Variants in CAMTA1 observed in about 807,000 individuals in gnomAD.
CAMTA1 encodes the protein calmodulin binding transcription activator 1, also known as calmodulin-binding transcription activator 1.
Under a neutral mutation model 170.9 loss-of-function variants are expected in CAMTA1, and 27 were observed. The ratio of observed to expected loss-of-function variants is 0.16; its 90% CI spans 0.12 to 0.22. The LOEUF (loss-of-function observed/expected upper bound fraction) is 0.22, where lower values mean the gene tolerates loss of function less well. Among genes scored for constraint, CAMTA1 ranks in the 10% least tolerant of loss-of-function variants. The probability of loss-of-function intolerance (pLI) is 1.00; values close to 1 mark genes in which losing one functional copy is unlikely to be tolerated. For missense variants in CAMTA1, 1,619 were observed against 2,217.2 expected (o/e 0.73, Z 5.42); for synonymous variants, 833 against 891.5 (o/e 0.93, Z 1.17).
At chr1:7,353,683 T>C (rs1268667756) in intron 5 of CAMTA1, among the ~76,000 whole-genome samples, 1 of 152,158 alleles carries the variant, frequency 6.6e-6, no homozygotes, top group African/African-American at 2.4e-5. Flanking sequence ...CCCAGCCTGC[T>C]AAAGTGCTGG....
chr1:7,506,009 G>A (rs1252059702), intron 6 of CAMTA1, among the ~76,000 whole-genome samples: 1 of 152,186 alleles, frequency 6.6e-6, no homozygotes, highest in Non-Finnish European at 1.5e-5. Context: ...GCCAGTGGAA[G>A]GGGAGGCAGA....
At chr1:6,809,417 C>G (rs1644916080) in intron 1 of CAMTA1, among the ~76,000 whole-genome samples, 1 of 152,088 alleles carries the variant, frequency 6.6e-6, no homozygotes, top group Non-Finnish European at 1.5e-5. Context: ...TCAGGGAGTC[C>G]TTCATATCAC....
chr1:6,785,917 C>T (rs1470728405), intron 1 of CAMTA1, among the ~76,000 whole-genome samples: 1 of 149,352 alleles, frequency 6.7e-6, no homozygotes, highest in Non-Finnish European at 1.5e-5. Flanking sequence ...ACCGGGCATC[C>T]CCGCCGCTCC....
intron 6 of CAMTA1, among the ~76,000 whole-genome samples, chr1:7,477,772 C>G (rs531634160): frequency 6.6e-6 from 1 of 152,330 alleles, no homozygotes; most frequent in African/African-American, 2.4e-5. Context: ...GCTCACCCTT[C>G]ACCTTGCAGA....
intron 4 of CAMTA1, among the ~76,000 whole-genome samples, chr1:7,109,857 G>A (rs540826429): frequency 2.2e-4 from 33 of 152,168 alleles, no homozygotes; most frequent in Non-Finnish European, 4.3e-4. Flanking sequence ...TGATTCAGAG[G>A]GGACGCTGCT....
rs1709101183 is a variant in CAMTA1 at position 7,067,420 on chromosome 1, T to G, written c.235-23884T>G. Among the ~76,000 whole-genome samples the G allele has an allele frequency of 6.6e-6, 1 of 151,764 alleles. No homozygotes were observed. The highest frequency in any genetic ancestry group is 2.1e-4 in the South Asian group (1 of 4,822). On this transcript the variant is annotated intron_variant, in intron 3 of 22. Transcript: ENST00000303635. The surrounding 1 kb of genome is among the most constrained non-coding windows in gnomAD (Gnocchi z 4.3). Reference sequence around the variant, plus strand: ...CCAATTAGGTTCTTACTTGCTGAATTCTTCTTCTTCTTCTTCTGCTTCTCT... The same window carrying G: ...CCAATTAGGTTCTTACTTGCTGAATGCTTCTTCTTCTTCTTCTGCTTCTCT...
At chr1:6,829,451 G>T (rs746236277) in intron 3 of CAMTA1, among the ~76,000 whole-genome samples, 1 of 152,294 alleles carries the variant, frequency 6.6e-6, no homozygotes, top group Non-Finnish European at 1.5e-5. Context: ...ATCAATTTTA[G>T]ATTGTGCTCC....
chr1:7,755,493 C>T (rs1379664460), intron 21 of CAMTA1, 145 bp from the exon 22 acceptor site: 9 of 668,468 alleles, frequency 1.3e-5, no homozygotes, highest in East Asian at 5.1e-5. Context: ...ACTCATTTCA[C>T]GTACCCCACC....
intron 11 of CAMTA1, among the ~76,000 whole-genome samples, chr1:7,695,185 C>T (rs572089465): frequency 2.6e-5 from 4 of 152,232 alleles, no homozygotes; most frequent in South Asian, 2.1e-4. Context: ...ACAGCCCCCA[C>T]GAGGTGGGAC....
chr1:7,647,676 C>G (rs1226336100), intron 7 of CAMTA1, among the ~76,000 whole-genome samples: 2 of 152,192 alleles, frequency 1.3e-5, no homozygotes, highest in African/African-American at 4.8e-5. Context: ...CCAGCTCAGT[C>G]GATCCTGATC....
rs528784657 is a variant in CAMTA1 at position 7,090,880 on chromosome 1, G to A, written c.235-424G>A. On this transcript the variant is annotated intron_variant, in intron 3 of 22. Coordinates refer to ENST00000303635, the MANE Select transcript of CAMTA1 (RefSeq NM_015215.4). ...GTTGGGGATGAAGCTGAGAGAATGCGACGTCTCTTGTGACAGAGATGAAAG... is the reference window on the plus strand; with the variant it reads ...GTTGGGGATGAAGCTGAGAGAATGCAACGTCTCTTGTGACAGAGATGAAAG... 1.3e-4 allele frequency among the ~76,000 whole-genome samples: 20 copies of A among 152,272 alleles called. No individual in the cohort carries two copies. The East Asian group carries it at 3.3e-3, about 25-fold the overall frequency.
rs1337791961 is a variant in CAMTA1, at chr1:7,729,122, TTC to T, written c.2915-3324_2915-3323del. Reference sequence around the variant, plus strand: ...AAATTAATATGAGGAATCTTTTTTTTTCTTTTTTTTTTGAGACAGAGTCTCAC... The same window carrying T: ...AAATTAATATGAGGAATCTTTTTTTTTTTTTTTTTTGAGACAGAGTCTCAC... On this transcript the variant is annotated intron_variant, in intron 11 of 22. Transcript: ENST00000303635. Among the ~76,000 whole-genome samples, 1,309 of 147,502 alleles carry T rather than the reference TTC, an allele frequency of 8.9e-3. 27 individuals are homozygous for T. The highest frequency in any genetic ancestry group is 0.029 in the African/African-American group (1,166 of 40,622).
rs1257096259 is a variant in CAMTA1, at chr1:7,561,162, G to T, written c.511-79238G>T. On this transcript the variant is annotated intron_variant, in intron 6 of 22. Transcript: ENST00000303635. This position sits in a 1 kb window ranked among gnomAD's most constrained non-coding sequence, Gnocchi z 5.3. ...AGGGGCTGGCCGAGGGGGGCCGGTG[G>T]GTGGTGAATGAAGGGCTCCCAGCAA... is the stretch of plus-strand genomic sequence containing the variant. Among the ~76,000 whole-genome samples, 2 of 152,112 alleles carry T rather than the reference G, an allele frequency of 1.3e-5. No individual in the cohort carries two copies. The highest frequency in any genetic ancestry group is 2.9e-5 in the Non-Finnish European group (2 of 68,008).
chr1:7,436,895 G>A (rs2092365834), intron 5 of CAMTA1, among the ~76,000 whole-genome samples: 1 of 152,114 alleles, frequency 6.6e-6, no homozygotes. Flanking sequence ...GAGGCTGGAG[G>A]TTGTGGGTGC....
chr1:7,654,332 A>G (rs2095865554), intron 7 of CAMTA1, among the ~76,000 whole-genome samples: 1 of 152,010 alleles, frequency 6.6e-6, no homozygotes, highest in Non-Finnish European at 1.5e-5. Context: ...GTGAGCTCAG[A>G]TTGCACCACT....
chr1:7,264,840 G>A (rs1197875295), intron 5 of CAMTA1, among the ~76,000 whole-genome samples: 2 of 152,142 alleles, frequency 1.3e-5, no homozygotes, highest in African/African-American at 2.4e-5. Context: ...TACAGAAAGA[G>A]CATCTGTTTG....
chr1:7,611,707 C>A (rs1189643479), intron 6 of CAMTA1, among the ~76,000 whole-genome samples: 1 of 152,232 alleles, frequency 6.6e-6, no homozygotes, highest in South Asian at 2.1e-4. Context: ...CAGGCTCAGC[C>A]GGCCTTTCCC....
chr1:7,364,430 C>T (rs1398669190), intron 5 of CAMTA1, among the ~76,000 whole-genome samples: 1 of 147,312 alleles, frequency 6.8e-6, no homozygotes, highest in Non-Finnish European at 1.5e-5. Context: ...AGGGGGCACA[C>T]AGGTTCCCTT....
rs573337842 is a variant in CAMTA1, at chr1:7,131,777, C to T, written c.302+40406C>T. ...GGGTGTACATATTCCAATTTTGGGC[C>T]GGGCTTGGTGGCTCACGCTTGTAAT... On this transcript the variant is annotated intron_variant, in intron 4 of 22. Coordinates refer to ENST00000303635, the MANE Select transcript of CAMTA1 (RefSeq NM_015215.4). 1.8e-4 allele frequency among the ~76,000 whole-genome samples: 28 copies of T among 152,020 alleles called. No individual in the cohort carries two copies. The South Asian group carries it at 2.1e-3, about 11-fold the overall frequency.
Sources: allele counts gnomAD v4.1 joint callset (sites outside exome capture counted in the v4.1 genomes callset), GRCh38; gene constraint gnomAD v4.1.1; non-coding constraint Gnocchi (gnomAD v3.1); transcripts MANE v1.5; gene names NCBI Gene and HGNC (gene_info 2026-07-23, HGNC 2026-07-21).